The following PPARA variants were observed in gnomAD, a reference collection of about 807,000 sequenced individuals.
PPARA encodes peroxisome proliferator activated receptor alpha.
A neutral mutation model predicts 42.2 loss-of-function variants in PPARA; 22 were observed. The ratio of observed to expected loss-of-function variants is 0.52; its 90% CI spans 0.37 to 0.74. PPARA has a LOEUF of 0.74. Ranked by LOEUF, PPARA falls within the 30% of genes least tolerant of loss-of-function variation. The pLI is 0.00. For missense variants in PPARA, 465 were observed against 608.2 expected (o/e 0.76, Z 2.48); for synonymous variants, 242 against 239.3 (o/e 1.01, Z -0.10).
Position 46,160,168 on chromosome 22 carries a change from G to T in PPARA, c.-127+8198G>T, listed in dbSNP as rs951157963. Among the ~76,000 whole-genome samples, 2 of 152,232 alleles carry T rather than the reference G, an allele frequency of 1.3e-5. No individual in the cohort carries two copies. The highest frequency in any genetic ancestry group is 6.5e-5 in the Admixed American group (1 of 15,282). ...GTGGCAGCTGGCGGGGATCTTTCCA[G>T]CAGAAAGCTGTAAGTGGAAGCTTTC... On this transcript the variant is annotated intron_variant, in intron 2 of 8. Coordinates refer to ENST00000407236, the MANE Select transcript of PPARA (RefSeq NM_005036.6). The surrounding 1 kb of genome is among the most constrained non-coding windows in gnomAD (Gnocchi z 4.5).
rs1936086457 is a variant in PPARA at position 46,234,439 on chromosome 22, C to T, written c.1160-694C>T. 6.6e-6 allele frequency among the ~76,000 whole-genome samples: 1 copy of T among 152,154 alleles called. No individual in the cohort carries two copies. Among genetic ancestry groups the T allele is most frequent in the East Asian group, 1.9e-4 (1 of 5,184 alleles). On this transcript the variant is annotated intron_variant, in intron 8 of 8. Coordinates refer to ENST00000407236, the MANE Select transcript of PPARA (RefSeq NM_005036.6). The surrounding 1 kb of genome is among the most constrained non-coding windows in gnomAD (Gnocchi z 5.8). Reference sequence around the variant, plus strand: ...ATTTTCTGGACCAAGAATCAGGTCTCATGCTTTGAGACTGTCCCAGGATGT... The same window carrying T: ...ATTTTCTGGACCAAGAATCAGGTCTTATGCTTTGAGACTGTCCCAGGATGT...
At chr22:46,214,874 T>G (rs979807209) in intron 4 of PPARA, among the ~76,000 whole-genome samples, 3 of 145,250 alleles carry the variant, frequency 2.1e-5, no homozygotes, top group Non-Finnish European at 3.0e-5. Context: ...CCCGGAGATA[T>G]GCGGGGCGGA....
Position 46,233,856 on chromosome 22 carries a change from G to A in PPARA, c.1160-1277G>A, listed in dbSNP as rs903229325. ...TTTTTTTTTTTGAGACAGAGTCTCC[G>A]TCTGTCACCCTGGCTGGAGTGCAGT... On this transcript the variant is annotated intron_variant, in intron 8 of 8. Transcript: ENST00000407236. The surrounding 1 kb of genome is among the most constrained non-coding windows in gnomAD (Gnocchi z 7.3). Among the ~76,000 whole-genome samples, 7 of 148,708 alleles carry A rather than the reference G, an allele frequency of 4.7e-5. No individual in the cohort carries two copies. The highest frequency in any genetic ancestry group is 1.4e-4 in the Admixed American group (2 of 14,802).
At chr22:46,210,196 C>T (rs1933783192) in intron 4 of PPARA, among the ~76,000 whole-genome samples, 1 of 151,048 alleles carries the variant, frequency 6.6e-6, no homozygotes, top group Non-Finnish European at 1.5e-5. Flanking sequence ...GTAATCCCAG[C>T]TACTTGGGAG....
Position 46,230,097 on chromosome 22 carries a change from C to T in PPARA, c.712-1695C>T, listed in dbSNP as rs73886767. On this transcript the variant is annotated intron_variant, in intron 7 of 8. Transcript: ENST00000407236. This position sits in a 1 kb window ranked among gnomAD's most constrained non-coding sequence, Gnocchi z 5.0. The stretch of plus-strand genomic sequence containing the variant: ...ATTAGAAATAACGCTGTAGGCCGGG[C>T]GCGGTGGCTCACCCCTGTAATCCCA... 0.011 allele frequency among the ~76,000 whole-genome samples: 1,689 copies of T among 152,282 alleles called. 23 individuals carry two copies. The highest frequency in any genetic ancestry group is 0.037 in the African/African-American group (1,550 of 41,540).
At position 46,219,313 on chromosome 22, in the gene PPARA, T is replaced by C. The variant is rs1211859957; in HGVS notation, c.509-499T>C. Among the ~76,000 whole-genome samples, 6 of 152,168 alleles carry C rather than the reference T, an allele frequency of 3.9e-5. No homozygotes were observed. Reference sequence around the variant, plus strand: ...AATGACAGAATGTTCACCTCGTCCATAGGAAGGGTGTACCACCTCAAACAT... The same window carrying C: ...AATGACAGAATGTTCACCTCGTCCACAGGAAGGGTGTACCACCTCAAACAT... On this transcript the variant is annotated intron_variant, in intron 6 of 8. Transcript: ENST00000407236. This position sits in a 1 kb window ranked among gnomAD's most constrained non-coding sequence, Gnocchi z 4.8.
intron 3 of PPARA, among the ~76,000 whole-genome samples, chr22:46,186,774 C>A (rs1569208587): frequency 2.0e-5 from 3 of 151,840 alleles, no homozygotes; most frequent in Admixed American, 1.3e-4. Context: ...GTACAGTGCT[C>A]CCCCCCTTAT....
chr22:46,169,958 A>C (rs1168878775), intron 2 of PPARA, among the ~76,000 whole-genome samples: 2 of 152,018 alleles, frequency 1.3e-5, no homozygotes, highest in Non-Finnish European at 2.9e-5. Context: ...AGACAGTTCA[A>C]ATGGCCTGAA....
rs1430193880 is a variant in PPARA, at chr22:46,165,834, A to G, written c.-126-10919A>G. The stretch of plus-strand genomic sequence containing the variant: ...TTTTTAAGGACAATTTTTCAAATGC[A>G]GGCTTTCCTCCCTTTGCACAGTTCC... On this transcript the variant is annotated intron_variant, in intron 2 of 8. Transcript: ENST00000407236. The surrounding 1 kb of genome is among the most constrained non-coding windows in gnomAD (Gnocchi z 5.5). Among the ~76,000 whole-genome samples, 1 of 152,174 alleles carries G rather than the reference A, an allele frequency of 6.6e-6. No homozygotes were observed. Among genetic ancestry groups the G allele is most frequent in the Admixed American group, 6.5e-5 (1 of 15,286 alleles).
At chr22:46,153,163 C>CTTTTTTTTT (rs996863467) in intron 2 of PPARA, among the ~76,000 whole-genome samples, 41 of 109,210 alleles carry the variant, frequency 3.8e-4, no homozygotes, top group South Asian at 6.2e-4. Context: ...TTCCCACATC[C>CTTTTTTTTT]TTTTTTTTTT....
At chr22:46,169,384 G>A (rs1215880771) in intron 2 of PPARA, among the ~76,000 whole-genome samples, 3 of 151,906 alleles carry the variant, frequency 2.0e-5, no homozygotes, top group East Asian at 1.9e-4. Flanking sequence ...ACAGGCGCCC[G>A]CCACCACGCC....
rs1936378861 is a variant in PPARA, at chr22:46,241,867, G to T, written c.*6487G>T. 7.0e-6 allele frequency: 1 copy of T among 143,598 alleles called. No individual in the cohort carries two copies. The highest frequency in any genetic ancestry group is 2.6e-5 in the African/African-American group (1 of 38,056). The allele number at this position is 143,598 out of a possible 1,614,324, so 8.9% of individuals were successfully genotyped here. A position where few individuals can be genotyped will look rare whatever the true frequency, so the allele number is the denominator to read the frequency against. On this transcript the variant is annotated 3_prime_UTR_variant, in exon 9 of 9. Coordinates refer to ENST00000407236, the MANE Select transcript of PPARA (RefSeq NM_005036.6). The surrounding 1 kb of genome is among the most constrained non-coding windows in gnomAD (Gnocchi z 5.7). ...TCATGTCTTGATGGACGCAGCTGAT[G>T]ACCTCAAATACTTGAGTGGTCTCAT...
At chr22:46,213,837 C>T (rs1329707108) in intron 4 of PPARA, among the ~76,000 whole-genome samples, 1 of 152,228 alleles carries the variant, frequency 6.6e-6, no homozygotes, top group Non-Finnish European at 1.5e-5. Context: ...GATCCGCTTG[C>T]TCCGGCCTCC....
In PPARA at chr22:46,200,177, C is replaced by T. The variant is rs1045775193; in HGVS notation, c.208+1586C>T. Among the ~76,000 whole-genome samples, 1 of 152,216 alleles carries T rather than the reference C, an allele frequency of 6.6e-6. No homozygotes were observed. The highest frequency in any genetic ancestry group is 2.4e-5 in the African/African-American group (1 of 41,450). ...GGGGTCCCATGGGGACTGTAATTCT[C>T]TCTAGGTTGTATATTTTTAAAAGAC... On this transcript the variant is annotated intron_variant, in intron 4 of 8. Transcript: ENST00000407236. This position sits in a 1 kb window ranked among gnomAD's most constrained non-coding sequence, Gnocchi z 4.8.
In PPARA at chr22:46,230,874, A is replaced by T. The variant is rs899191550; in HGVS notation, c.712-918A>T. On this transcript the variant is annotated intron_variant, in intron 7 of 8. Transcript: ENST00000407236. The surrounding 1 kb of genome is among the most constrained non-coding windows in gnomAD (Gnocchi z 5.0). ...TACATGCCAAATGTATTCATTGAGCAGCGTTAAATAATGGTGTTCACCCCT... is the reference window on the plus strand; with the variant it reads ...TACATGCCAAATGTATTCATTGAGCTGCGTTAAATAATGGTGTTCACCCCT... 2.0e-5 allele frequency among the ~76,000 whole-genome samples: 3 copies of T among 152,236 alleles called. No individual in the cohort carries two copies. The highest frequency in any genetic ancestry group is 4.4e-5 in the Non-Finnish European group (3 of 68,050).
intron 3 of PPARA, among the ~76,000 whole-genome samples, chr22:46,178,311 T>C (rs1416518935): frequency 6.6e-6 from 1 of 152,178 alleles, no homozygotes; most frequent in African/African-American, 2.4e-5. Flanking sequence ...TTTTCCAGGA[T>C]AGAATAACAG....
intron 4 of PPARA, among the ~76,000 whole-genome samples, chr22:46,207,519 A>G (rs1266680065): frequency 2.7e-5 from 4 of 150,140 alleles, no homozygotes; most frequent in Non-Finnish European, 5.9e-5. Flanking sequence ...TCCTGACCTC[A>G]TGATCCGCCC....
In PPARA at chr22:46,196,201, C is replaced by A. The variant is rs1236616032; in HGVS notation, c.-42-2141C>A. On this transcript the variant is annotated intron_variant, in intron 3 of 8. Transcript: ENST00000407236. This position sits in a 1 kb window ranked among gnomAD's most constrained non-coding sequence, Gnocchi z 5.6. ...AGCGAGAGCATGATACAGACTAACC[C>A]AGGAAGAACCGCTGCTTTGTCACTT... Among the ~76,000 whole-genome samples the A allele has an allele frequency of 6.6e-6, 1 of 152,178 alleles. No homozygotes were observed. Among genetic ancestry groups the A allele is most frequent in the African/African-American group, 2.4e-5 (1 of 41,418 alleles).
intron 4 of PPARA, among the ~76,000 whole-genome samples, chr22:46,205,242 G>A (rs1314321643): frequency 6.6e-6 from 1 of 151,134 alleles, no homozygotes; most frequent in Non-Finnish European, 1.5e-5. Context: ...ATTTGAGAGA[G>A]GGTCTCACCC....
Sources: allele counts gnomAD v4.1 joint callset (sites outside exome capture counted in the v4.1 genomes callset), GRCh38; gene constraint gnomAD v4.1.1; non-coding constraint Gnocchi (gnomAD v3.1); transcripts MANE v1.5; gene names NCBI Gene and HGNC (gene_info 2026-07-23, HGNC 2026-07-21).